The following BSN variants were observed in gnomAD, a reference collection of about 807,000 sequenced individuals.
BSN encodes the protein protein bassoon.
In BSN, 57 loss-of-function variants were observed where a neutral mutation model predicts 264.8. The observed-to-expected ratio is 0.22, with a 90% CI of 0.17 to 0.27. BSN has a LOEUF of 0.27. Ranked by LOEUF, BSN falls within the 10% of genes least tolerant of loss-of-function variation. The pLI is 1.00. For synonymous variants in BSN, 2,059 were observed against 2,137.3 expected, an observed-to-expected ratio of 0.96 and a Z score of 1.01; for missense variants, 4,615 against 5,232.5, an observed-to-expected ratio of 0.88 and a Z score of 3.64.
chr3:49,662,838 C>A, intron 6 of BSN, 38 bp from the exon 7 acceptor site: 1 of 1,525,720 alleles, frequency 6.6e-7, no homozygotes, highest in Non-Finnish European at 8.8e-7. Flanking sequence ...CTGCGGCTAG[C>A]CCGGGGGTTG....
intron 2 of BSN, among the ~76,000 whole-genome samples, chr3:49,640,243 T>G (rs1412775485): frequency 6.6e-6 from 1 of 152,144 alleles, no homozygotes; most frequent in Non-Finnish European, 1.5e-5. Context: ...GCTTCCACCT[T>G]GTTGAGCTAT....
chr3:49,587,654 C>T (rs2051946222), intron 1 of BSN, among the ~76,000 whole-genome samples: 1 of 152,162 alleles, frequency 6.6e-6, no homozygotes, highest in African/African-American at 2.4e-5. Context: ...TTAGATGTTT[C>T]CTATTGGTTG....
intron 1 of BSN, among the ~76,000 whole-genome samples, chr3:49,607,210 A>C (rs535234571): frequency 7.7e-4 from 118 of 152,288 alleles, no homozygotes; most frequent in Non-Finnish European, 8.7e-4. Context: ...AGATTTTGGC[A>C]TCAGAATCCA....
chr3:49,664,768 C>T (rs2052699584), intron 9 of BSN, 31 bp from the exon 10 acceptor site: 1 of 1,613,682 alleles, frequency 6.2e-7, no homozygotes, highest in Non-Finnish European at 8.5e-7. Flanking sequence ...GCCCAATTTC[C>T]TGATGGCTCT....
chr3:49,672,579 C>G (rs200188627), downstream of BSN, among the ~76,000 whole-genome samples: 37 of 151,268 alleles, frequency 2.4e-4, no homozygotes, highest in East Asian at 6.6e-3. Context: ...TTCCCAGGTT[C>G]AAGCGATTCT....
chr3:49,615,344 G>A (rs1209251165), intron 1 of BSN, among the ~76,000 whole-genome samples: 1 of 152,134 alleles, frequency 6.6e-6, no homozygotes, highest in East Asian at 1.9e-4. Flanking sequence ...GTATACACCT[G>A]GCGTCACTGG....
At chr3:49,666,983 G>T (rs970933766) in intron 11 of BSN, among the ~76,000 whole-genome samples, 3 of 152,204 alleles carry the variant, frequency 2.0e-5, no homozygotes, top group African/African-American at 7.2e-5. Flanking sequence ...TGCTGAAAGT[G>T]GGGGAAGGAG....
chr3:49,586,982 G>A lies in BSN; in HGVS notation c.224+32156G>A, dbSNP rs545799984. On this transcript the variant is annotated intron_variant, in intron 1 of 11. Coordinates refer to ENST00000296452, the MANE Select transcript of BSN (RefSeq NM_003458.4). ...GTTTGATAGGGATTGCTTTTAATTT[G>A]TAGATTGCTTTGGGTAGTATGGACA... 4.1e-4 allele frequency among the ~76,000 whole-genome samples: 63 copies of A among 152,110 alleles called. No individual in the cohort carries two copies. In the South Asian group the frequency reaches 7.3e-3, roughly 18 times the overall value.
intron 1 of BSN, among the ~76,000 whole-genome samples, chr3:49,594,232 T>C (rs1022889451): frequency 1.9e-4 from 29 of 152,268 alleles, no homozygotes; most frequent in Non-Finnish European, 3.8e-4. Context: ...TGTCAGTCTT[T>C]CCTGTAATGG....
intron 1 of BSN, among the ~76,000 whole-genome samples, chr3:49,589,245 A>G (rs913506022): frequency 6.6e-6 from 1 of 151,036 alleles, no homozygotes; most frequent in Non-Finnish European, 1.5e-5. Context: ...CGTTAGTTCT[A>G]ATTAGTTTAT....
chr3:49,555,816 A>T (rs551625330), intron 1 of BSN, among the ~76,000 whole-genome samples: 30 of 152,228 alleles, frequency 2.0e-4, no homozygotes, highest in Admixed American at 1.4e-3. Context: ...TTCCAGCTCC[A>T]TGTGGGTCTG....
In BSN at chr3:49,654,468, G is replaced by T; in HGVS notation, c.4912G>T (p.Glu1638Ter). 1 of 1,608,592 alleles carries T rather than the reference G, an allele frequency of 6.2e-7. No homozygotes were observed. The highest frequency in any genetic ancestry group is 8.5e-7 in the Non-Finnish European group (1 of 1,177,628). The change falls in exon 5 of 12, where the codon GAG becomes TAG. Residue 1638 changes from glutamate (E) to a stop codon, truncating the protein, a stop_gained. Transcript: ENST00000296452. LOFTEE classifies it high-confidence loss of function. This position sits in a 1 kb window ranked among gnomAD's most constrained non-coding sequence, Gnocchi z 4.1. ...ALYGWGALPA[E>*]NISLCRISSV... ...ATATGGCTGGGGTGCCCTCCCTGCTGAGAACATCTCCCTGTGCCGGATCTC... is the reference window on the plus strand; with the variant it reads ...ATATGGCTGGGGTGCCCTCCCTGCTTAGAACATCTCCCTGTGCCGGATCTC...
At position 49,656,924 on chromosome 3, in the gene BSN, G is replaced by T; in HGVS notation, c.7368G>T (p.Gln2456His). The change falls in exon 5 of 12, where the codon CAG becomes CAT. Residue 2456 changes from glutamine to histidine, a missense_variant. Gln to His is a conservative substitution (Grantham distance 24). Coordinates refer to ENST00000296452, the MANE Select transcript of BSN (RefSeq NM_003458.4). Reference sequence around the variant, plus strand: ...AGCGTCTGCAGCTGGAGCAGATCCAGCAGCTGCAGCAGCAGCTGCAGCAGC... The same window carrying T: ...AGCGTCTGCAGCTGGAGCAGATCCATCAGCTGCAGCAGCAGCTGCAGCAGC... ...AQQRLQLEQI[Q>H]QLQQQLQQQL... 1 of 1,596,850 alleles carries T rather than the reference G, an allele frequency of 6.3e-7. No homozygotes were observed. The highest frequency in any genetic ancestry group is 2.3e-5 in the East Asian group (1 of 44,316).
In BSN at chr3:49,650,694, C is replaced by T; in HGVS notation, c.1601C>T (p.Pro534Leu). 6.2e-7 allele frequency: 1 copy of T among 1,609,924 alleles called. No individual in the cohort carries two copies. Among genetic ancestry groups the T allele is most frequent in the African/African-American group, 1.3e-5 (1 of 74,710 alleles). ...GGAGAGCCGACCCCCCTGCCGCCGC[C>T]CACCTCACAGCAGCCCCCTGTAGGG... is the stretch of plus-strand genomic sequence containing the variant. ...SLGEPTPLPP[P>L]TSQQPPVGAP... The change falls in exon 4 of 12, where the codon CCC becomes CTC. Residue 534 changes from proline to leucine, a missense_variant. This residue lies in a region of BSN where 1,197 missense variants were observed against 1,348.0 expected (regional missense o/e 0.89). Coordinates refer to ENST00000296452, the MANE Select transcript of BSN (RefSeq NM_003458.4).
chr3:49,638,448 G>A lies in BSN; in HGVS notation c.634-3820G>A, dbSNP rs2052436142. Among the ~76,000 whole-genome samples, 1 of 152,156 alleles carries A rather than the reference G, an allele frequency of 6.6e-6. No homozygotes were observed. The highest frequency in any genetic ancestry group is 2.4e-5 in the African/African-American group (1 of 41,442). The stretch of plus-strand genomic sequence containing the variant: ...GGGCTCCTCCCAGGAAACTGCTGGG[G>A]ATCTGTCGGGGAGGCAGAGAGGGGG... On this transcript the variant is annotated intron_variant, in intron 2 of 11. Coordinates refer to ENST00000296452, the MANE Select transcript of BSN (RefSeq NM_003458.4). The surrounding 1 kb of genome is among the most constrained non-coding windows in gnomAD (Gnocchi z 4.3).
At chr3:49,592,935 A>G (rs2051992120) in intron 1 of BSN, among the ~76,000 whole-genome samples, 1 of 152,056 alleles carries the variant, frequency 6.6e-6, no homozygotes, top group Non-Finnish European at 1.5e-5. Flanking sequence ...GTTGTATACA[A>G]TTTTATCACT....
At chr3:49,605,905 TAA>T (rs1286982827) in intron 1 of BSN, among the ~76,000 whole-genome samples, 1 of 872 alleles carries the variant, frequency 1.1e-3, no homozygotes, top group South Asian at 0.25. Context: ...TATGTCTATA[TAA>T]ATAGATATAA....
rs934861653 is a variant in BSN at position 49,585,505 on chromosome 3, C to T, written c.224+30679C>T. On this transcript the variant is annotated intron_variant, in intron 1 of 11. Transcript: ENST00000296452. This position sits in a 1 kb window ranked among gnomAD's most constrained non-coding sequence, Gnocchi z 4.7. The stretch of plus-strand genomic sequence containing the variant: ...CAGGCTCTTGCGGCTCCCAACTAGG[C>T]GGCCTTGCACTCCGTGTGCACTGGC... Among the ~76,000 whole-genome samples, 1 of 152,222 alleles carries T rather than the reference C, an allele frequency of 6.6e-6. No individual in the cohort carries two copies. Among genetic ancestry groups the T allele is most frequent in the Non-Finnish European group, 1.5e-5 (1 of 68,046 alleles).
intron 1 of BSN, among the ~76,000 whole-genome samples, chr3:49,618,058 A>G (rs577092772): frequency 6.6e-6 from 1 of 151,838 alleles, no homozygotes; most frequent in Non-Finnish European, 1.5e-5. Flanking sequence ...TGGTTCTGAC[A>G]TCTCCTCTAC....
Sources: allele counts gnomAD v4.1 joint callset (sites outside exome capture counted in the v4.1 genomes callset), GRCh38; gene constraint gnomAD v4.1.1; regional missense constraint gnomAD v4.1.1; non-coding constraint Gnocchi (gnomAD v3.1); transcripts MANE v1.5; gene names NCBI Gene and HGNC (gene_info 2026-07-23, HGNC 2026-07-21).